The following CDK6 variants were observed in gnomAD, a reference collection of about 807,000 sequenced individuals.
CDK6 encodes cyclin dependent kinase 6.
A neutral mutation model predicts 37.1 loss-of-function variants in CDK6; 6 were observed. The observed-to-expected ratio is 0.16, with a 90% CI of 0.09 to 0.32. The LOEUF is 0.32. CDK6 is among the 10% of genes least tolerant of loss of function. The probability of loss-of-function intolerance (pLI) is 1.00; values close to 1 mark genes in which losing one functional copy is unlikely to be tolerated. For synonymous variants in CDK6, 160 were observed against 161.3 expected (o/e 0.99, Z 0.06); for missense variants, 224 against 418.9 (o/e 0.53, Z 4.06).
intron 3 of CDK6, among the ~76,000 whole-genome samples, chr7:92,764,490 G>A (rs898395190): frequency 6.6e-6 from 1 of 152,140 alleles, no homozygotes; most frequent in Non-Finnish European, 1.5e-5. Flanking sequence ...TAAACTCCAA[G>A]TGTCACAGTG....
chr7:92,618,432 G>T (rs543038667), intron 6 of CDK6, among the ~76,000 whole-genome samples: 6 of 152,296 alleles, frequency 3.9e-5, no homozygotes, highest in African/African-American at 1.4e-4. Flanking sequence ...AATTCAGTGG[G>T]AGGAGATAAG....
chr7:92,633,214 C>T (rs1256214314), intron 5 of CDK6, among the ~76,000 whole-genome samples: 2 of 152,086 alleles, frequency 1.3e-5, no homozygotes, highest in African/African-American at 2.4e-5. Flanking sequence ...GTAAAGACAA[C>T]TGGTATCCTG....
chr7:92,624,734 C>CA (rs940172717), intron 5 of CDK6, among the ~76,000 whole-genome samples: 3 of 151,918 alleles, frequency 2.0e-5, no homozygotes, highest in African/African-American at 7.3e-5. Context: ...CAAAAAAAGG[C>CA]AAAAAATGGA....
rs548346429 is a variant in CDK6 at position 92,704,557 on chromosome 7, T to A, written c.537+21069A>T. 1.8e-4 allele frequency among the ~76,000 whole-genome samples: 28 copies of A among 152,344 alleles called. No individual in the cohort carries two copies. In the South Asian group the frequency reaches 4.6e-3, roughly 25 times the overall value. On this transcript the variant is annotated intron_variant, in intron 4 of 7. Transcript: ENST00000424848. ...TAAATATACCTAAATAATATTTAGATTTGCTTTATACATATTTCATATGCT... is the reference window on the plus strand; with the variant it reads ...TAAATATACCTAAATAATATTTAGAATTGCTTTATACATATTTCATATGCT...
chr7:92,725,434 C>T (rs1362308489), intron 4 of CDK6, 192 bp downstream of exon 4: 1 of 726,198 alleles, frequency 1.4e-6, no homozygotes, highest in African/African-American at 1.9e-5. Context: ...CACAACAAGC[C>T]CAGGCTGGAT....
intron 5 of CDK6, among the ~76,000 whole-genome samples, chr7:92,658,100 G>C (rs1415978487): frequency 6.6e-6 from 1 of 152,128 alleles, no homozygotes; most frequent in Non-Finnish European, 1.5e-5. Context: ...CTTTACTCTT[G>C]ACAACCTTTC....
intron 5 of CDK6, among the ~76,000 whole-genome samples, chr7:92,668,635 A>C (rs1194720395): frequency 6.6e-6 from 1 of 152,222 alleles, no homozygotes; most frequent in Non-Finnish European, 1.5e-5. Context: ...ATTTAGGATT[A>C]GCCTAAAGCA....
At chr7:92,769,359 T>A (rs1799656382) in intron 3 of CDK6, among the ~76,000 whole-genome samples, 1 of 152,172 alleles carries the variant, frequency 6.6e-6, no homozygotes, top group Non-Finnish European at 1.5e-5. Flanking sequence ...AAAAAAATTT[T>A]ATTCCAAGAT....
In CDK6 at chr7:92,607,124, G is replaced by A. The variant is rs1795446285; in HGVS notation, c.*8016C>T. On this transcript the variant is annotated 3_prime_UTR_variant, in exon 8 of 8. Transcript: ENST00000424848. ...TCTGACACGTTCTGGAAGCCTCAAGGCACAAGCTGACAGTTCTGCTTCTAC... is the reference window on the plus strand; with the variant it reads ...TCTGACACGTTCTGGAAGCCTCAAGACACAAGCTGACAGTTCTGCTTCTAC... 4.3e-6 allele frequency: 1 copy of A among 233,388 alleles called. No individual in the cohort carries two copies. Among genetic ancestry groups the A allele is most frequent in the Non-Finnish European group, 8.5e-6 (1 of 117,944 alleles). 14.5% of individuals were successfully genotyped at this position (233,388 alleles called of 1,614,324 possible).
At chr7:92,823,584 CT>C (rs1801234504) in intron 2 of CDK6, among the ~76,000 whole-genome samples, 1 of 151,586 alleles carries the variant, frequency 6.6e-6, no homozygotes, top group Non-Finnish European at 1.5e-5. Context: ...CCAAACCTGT[CT>C]CTTGGTTTCT....
chr7:92,754,735 C>A (rs1403634568), intron 3 of CDK6, among the ~76,000 whole-genome samples: 2 of 152,142 alleles, frequency 1.3e-5, no homozygotes, highest in Non-Finnish European at 2.9e-5. Context: ...GATTGCCTTT[C>A]TCCTCTATAA....
intron 5 of CDK6, among the ~76,000 whole-genome samples, chr7:92,665,586 T>C (rs939073144): frequency 3.3e-5 from 5 of 152,346 alleles, no homozygotes; most frequent in African/African-American, 1.2e-4. Context: ...TGAGTTTATA[T>C]TTCCTAGGTA....
At chr7:92,721,954 T>G (rs1385311424) in intron 4 of CDK6, among the ~76,000 whole-genome samples, 2 of 152,200 alleles carry the variant, frequency 1.3e-5, no homozygotes, top group Non-Finnish European at 2.9e-5. Context: ...AAAAGATGCC[T>G]TGTCTTGAAT....
chr7:92,616,873 A>G (rs1795692800), intron 7 of CDK6, among the ~76,000 whole-genome samples: 1 of 152,158 alleles, frequency 6.6e-6, no homozygotes, highest in African/African-American at 2.4e-5. Flanking sequence ...TGGAAGTCTT[A>G]ATACATTTTG....
intron 4 of CDK6, among the ~76,000 whole-genome samples, chr7:92,696,098 C>T (rs993610946): frequency 6.6e-6 from 1 of 152,168 alleles, no homozygotes. Flanking sequence ...GCAATGGACT[C>T]AAGGTTATAA....
chr7:92,757,427 A>C (rs1164683801), intron 3 of CDK6, among the ~76,000 whole-genome samples: 1 of 152,274 alleles, frequency 6.6e-6, no homozygotes, highest in East Asian at 1.9e-4. Flanking sequence ...TTCCTTCATC[A>C]GTTTGCTAAG....
At chr7:92,768,368 T>C (rs1164157764) in intron 3 of CDK6, among the ~76,000 whole-genome samples, 4 of 152,234 alleles carry the variant, frequency 2.6e-5, no homozygotes, top group African/African-American at 9.6e-5. Context: ...CAGTAAAAGA[T>C]GGCATCACTG....
chr7:92,827,213 A>T (rs935232070), intron 2 of CDK6, among the ~76,000 whole-genome samples: 1 of 152,098 alleles, frequency 6.6e-6, no homozygotes, highest in African/African-American at 2.4e-5. Flanking sequence ...TAAATCTAAG[A>T]CTTCTTCCAA....
chr7:92,791,333 T>C (rs746042008), intron 2 of CDK6, among the ~76,000 whole-genome samples: 2 of 152,120 alleles, frequency 1.3e-5, no homozygotes, highest in African/African-American at 2.4e-5. Flanking sequence ...TGACAGAACA[T>C]TGCCAACTAA....
Sources: gnomAD v4.1 joint callset for allele counts (sites outside exome capture counted in the v4.1 genomes callset) on GRCh38, gnomAD v4.1.1 for gene constraint, MANE v1.5 for transcripts, NCBI Gene and HGNC (gene_info 2026-07-23, HGNC 2026-07-21) for gene names.